TLCD4: variants seen among roughly 807,000 people sequenced by gnomAD.
The protein encoded by TLCD4 is TLC domain containing 4, also known as TLC domain-containing protein 4.
Under a neutral mutation model 24.2 loss-of-function variants are expected in TLCD4, and 7 were observed. The ratio of observed to expected loss-of-function variants is 0.29; its 90% CI spans 0.16 to 0.54. The LOEUF is 0.54. Among genes scored for constraint, TLCD4 ranks in the 20% least tolerant of loss-of-function variants. TLCD4 has a pLI of 0.95. For missense variants in TLCD4, 259 were observed against 313.9 expected (o/e 0.82, Z 1.32); for synonymous variants, 103 against 106.4 (o/e 0.97, Z 0.20).
chr1:95,187,667 T>C (rs1040134854), intron 6 of TLCD4, among the ~76,000 whole-genome samples: 1 of 152,186 alleles, frequency 6.6e-6, no homozygotes, highest in Non-Finnish European at 1.5e-5. Flanking sequence ...TTCTCCATTT[T>C]AAAGTTATTC....
chr1:95,168,260 T>C (rs1212651573), intron 5 of TLCD4, among the ~76,000 whole-genome samples: 1 of 152,138 alleles, frequency 6.6e-6, no homozygotes, highest in Non-Finnish European at 1.5e-5. Flanking sequence ...CCCTGGTTTG[T>C]CTTTCTTTTA....
intron 5 of TLCD4, among the ~76,000 whole-genome samples, chr1:95,169,936 A>G (rs1678148533): frequency 6.6e-6 from 1 of 152,226 alleles, no homozygotes; most frequent in African/African-American, 2.4e-5. Context: ...GTCTGCTTTA[A>G]AATACTTTAT....
intron 5 of TLCD4, among the ~76,000 whole-genome samples, chr1:95,153,050 C>T (rs190893382): frequency 6.3e-4 from 95 of 151,814 alleles, no homozygotes; most frequent in African/African-American, 2.2e-3. Context: ...TTTCCAAGCC[C>T]ACCATATTAT....
the TLCD4 span, among the ~76,000 whole-genome samples, chr1:95,093,607 G>A: frequency 3.9e-5 from 6 of 152,172 alleles, no homozygotes; most frequent in South Asian, 2.1e-4. Flanking sequence ...TGTCCCAAGG[G>A]ATTGACTATA....
chr1:95,104,433 G>A, the TLCD4 span, among the ~76,000 whole-genome samples: 5 of 152,146 alleles, frequency 3.3e-5, no homozygotes, highest in South Asian at 1.0e-3. Flanking sequence ...GGGAGGCCGA[G>A]GCGGGCGGAT....
chr1:95,111,027 C>A, the TLCD4 span, among the ~76,000 whole-genome samples: 4 of 152,014 alleles, frequency 2.6e-5, no homozygotes, highest in African/African-American at 7.2e-5. Flanking sequence ...TGTGGTGGCT[C>A]ATTCCTGTAA....
intron 1 of TLCD4, chr1:95,125,574 A>C (rs1355545056): frequency 1.3e-5 from 2 of 152,162 alleles, no homozygotes; most frequent in African/African-American, 4.8e-5. Context: ...AACTGTGAAC[A>C]ATCAATGGAG....
At chr1:95,174,516 A>G (rs1239984302) in intron 6 of TLCD4, among the ~76,000 whole-genome samples, 2 of 127,318 alleles carry the variant, frequency 1.6e-5, no homozygotes, top group Non-Finnish European at 3.1e-5. Context: ...ACAAAAAAAA[A>G]AAAAAAAAAA....
chr1:95,160,674 C>T (rs1172265654), intron 5 of TLCD4, among the ~76,000 whole-genome samples: 2 of 152,148 alleles, frequency 1.3e-5, no homozygotes, highest in East Asian at 1.9e-4. Flanking sequence ...TGAGATACAT[C>T]CCATCAATAC....
chr1:95,099,894 G>A, the TLCD4 span, among the ~76,000 whole-genome samples: 3 of 151,996 alleles, frequency 2.0e-5, no homozygotes, highest in South Asian at 6.2e-4. Context: ...CACTTTGGGA[G>A]GCTGAGGCAG....
At chr1:95,146,542 C>T (rs1026636909) in intron 2 of TLCD4, among the ~76,000 whole-genome samples, 4 of 151,754 alleles carry the variant, frequency 2.6e-5, no homozygotes, top group East Asian at 1.9e-4. Context: ...TTTCCACCCT[C>T]TTTGAAAAAA....
chr1:95,147,076 A>ATTTTT (rs573911821), intron 2 of TLCD4, among the ~76,000 whole-genome samples: 2 of 144,404 alleles, frequency 1.4e-5, no homozygotes, highest in Non-Finnish European at 3.1e-5. Flanking sequence ...AAGGAATTTA[A>ATTTTT]TTTTTTTTTT....
intron 1 of TLCD4, among the ~76,000 whole-genome samples, chr1:95,120,640 A>T (rs563890235): frequency 7.9e-5 from 12 of 152,196 alleles, no homozygotes; most frequent in African/African-American, 2.7e-4. Context: ...GCACTGGAGG[A>T]AGGGAGTCCC....
At chr1:95,123,047 G>A (rs914493654) in intron 1 of TLCD4, among the ~76,000 whole-genome samples, 3 of 151,890 alleles carry the variant, frequency 2.0e-5, no homozygotes, top group African/African-American at 7.3e-5. Context: ...GGGCTCAAGT[G>A]AGTCTCCTGC....
chr1:95,179,430 T>G (rs1416806493), intron 6 of TLCD4, among the ~76,000 whole-genome samples: 1 of 152,232 alleles, frequency 6.6e-6, no homozygotes, highest in Non-Finnish European at 1.5e-5. Flanking sequence ...CTGCCATGAT[T>G]GCTTTAACTC....
Position 95,119,624 on chromosome 1 carries a change from G to T in TLCD4, c.-12+2007G>T, listed in dbSNP as rs919407329. On this transcript the variant is annotated intron_variant, in intron 1 of 6. Coordinates refer to ENST00000370203, the MANE Select transcript of TLCD4 (RefSeq NM_152487.3). ...GGCCCTTCTCCCTCTTTCTCTTTGAGAGTGTTTCTGGCTCCTCAGAGTCAA... is the reference window on the plus strand; with the variant it reads ...GGCCCTTCTCCCTCTTTCTCTTTGATAGTGTTTCTGGCTCCTCAGAGTCAA... Among the ~76,000 whole-genome samples, 3 of 152,276 alleles carry T rather than the reference G, an allele frequency of 2.0e-5. No homozygotes were observed. The South Asian group carries it at 6.2e-4, about 32-fold the overall frequency.
chr1:95,189,991 T>G (rs1678968081), intron 6 of TLCD4, among the ~76,000 whole-genome samples: 1 of 152,248 alleles, frequency 6.6e-6, no homozygotes, highest in African/African-American at 2.4e-5. Flanking sequence ...GAATGTGTGT[T>G]CCTCTTGTTC....
At position 95,151,369 on chromosome 1, in the gene TLCD4, T is replaced by C; in HGVS notation, c.349T>C (p.Phe117Leu). Reference sequence around the variant, plus strand: ...GTATTGGAAAGTGATTGGTGACAAATTTTTTATAATGCATCATTGTGCGTC... The same window carrying C: ...GTATTGGAAAGTGATTGGTGACAAACTTTTTATAATGCATCATTGTGCGTC... The part of the protein sequence containing the change: ...ILYWKVIGDK[F>L]FIMHHCASLY... Residue 117 changes from phenylalanine (F) to leucine (L), a missense_variant, in exon 5 of 7, where the codon TTT (phenylalanine) becomes CTT (leucine). Physicochemically the swap from Phe to Leu is conservative, Grantham distance 22. Coordinates refer to ENST00000370203, the MANE Select transcript of TLCD4 (RefSeq NM_152487.3). 2 of 1,613,362 alleles carry C rather than the reference T, an allele frequency of 1.2e-6. No individual in the cohort carries two copies. The highest frequency in any genetic ancestry group is 1.7e-6 in the Non-Finnish European group (2 of 1,179,506).
chr1:95,119,554 G>T (rs1676515201), intron 1 of TLCD4, among the ~76,000 whole-genome samples: 4 of 152,184 alleles, frequency 2.6e-5, no homozygotes. Context: ...AAAGGGAAGT[G>T]GCACAGCTTC....
Sources: gnomAD v4.1 joint callset for allele counts (sites outside exome capture counted in the v4.1 genomes callset) on GRCh38, gnomAD v4.1.1 for gene constraint, MANE v1.5 for transcripts, NCBI Gene and HGNC (gene_info 2026-07-23, HGNC 2026-07-21) for gene names.